The following LRBA variants were observed in gnomAD, a reference collection of about 807,000 sequenced individuals.
The protein encoded by LRBA is LPS responsive beige-like anchor protein, also known as lipopolysaccharide-responsive and beige-like anchor protein.
A neutral mutation model predicts 330.0 loss-of-function variants in LRBA; 176 were observed. The ratio of observed to expected loss-of-function variants is 0.53; its 90% confidence interval spans 0.47 to 0.60. LRBA has a LOEUF of 0.60. LRBA is among the 20% of genes least tolerant of loss of function. LRBA has a pLI of 0.00. For missense variants in LRBA, 3,259 were observed against 3,444.8 expected (o/e 0.95, Z 1.35); for synonymous variants, 1,230 against 1,193.0 (o/e 1.03, Z -0.64).
intron 40 of LRBA, among the ~76,000 whole-genome samples, chr4:150,538,514 T>C (rs1436849021): frequency 6.6e-6 from 1 of 152,146 alleles, no homozygotes; most frequent in Non-Finnish European, 1.5e-5. Flanking sequence ...GAAGCCATCA[T>C]CCTGAGTGAA....
chr4:150,980,926 A>G (rs1740759112), intron 2 of LRBA, among the ~76,000 whole-genome samples: 1 of 152,118 alleles, frequency 6.6e-6, no homozygotes, highest in African/African-American at 2.4e-5. Context: ...AAAGAATTAA[A>G]AGATCTCTAC....
intron 40 of LRBA, among the ~76,000 whole-genome samples, chr4:150,559,860 ATAT>A: frequency 4.6e-5 from 1 of 21,774 alleles, no homozygotes; most frequent in African/African-American, 1.3e-4. Flanking sequence ...ATATATAATT[ATAT>A]ATAATATATA....
intron 2 of LRBA, among the ~76,000 whole-genome samples, chr4:150,976,877 A>C (rs1740243976): frequency 6.6e-6 from 1 of 152,238 alleles, no homozygotes; most frequent in African/African-American, 2.4e-5. Flanking sequence ...AAAGCAGAAC[A>C]AGACTAAAAT....
intron 47 of LRBA, among the ~76,000 whole-genome samples, chr4:150,365,791 CAAAA>C (rs58972028): frequency 1.1e-5 from 1 of 91,682 alleles, no homozygotes; most frequent in Non-Finnish European, 2.2e-5. Flanking sequence ...AACTCTGTCT[CAAAA>C]AAAAAAAAAA....
intron 44 of LRBA, among the ~76,000 whole-genome samples, chr4:150,459,765 T>C (rs1276770591): frequency 6.6e-6 from 1 of 151,956 alleles, no homozygotes; most frequent in Non-Finnish European, 1.5e-5. Flanking sequence ...CAATGTGGCA[T>C]ACAACAGCAT....
chr4:150,361,530 T>C (rs909286043), intron 47 of LRBA, among the ~76,000 whole-genome samples: 3 of 152,180 alleles, frequency 2.0e-5, no homozygotes, highest in Non-Finnish European at 2.9e-5. Context: ...TTTCTCTTTC[T>C]TCTTCTCGCT....
At chr4:150,989,680 G>A (rs996935094) in intron 2 of LRBA, among the ~76,000 whole-genome samples, 1 of 151,946 alleles carries the variant, frequency 6.6e-6, no homozygotes, top group Non-Finnish European at 1.5e-5. Flanking sequence ...AATCAAGAGG[G>A]TAAACTTAAT....
At chr4:150,924,172 G>C (rs939431771) in intron 4 of LRBA, among the ~76,000 whole-genome samples, 2 of 152,166 alleles carry the variant, frequency 1.3e-5, no homozygotes, top group Admixed American at 6.5e-5. Context: ...TTACTTGACA[G>C]ACATTGCTGG....
intron 37 of LRBA, among the ~76,000 whole-genome samples, chr4:150,653,232 G>A (rs1779875279): frequency 6.6e-6 from 1 of 152,040 alleles, no homozygotes; most frequent in African/African-American, 2.4e-5. Flanking sequence ...AGTACATATA[G>A]AAAAATGAGA....
chr4:150,895,632 C>T (rs1579125299), intron 16 of LRBA, among the ~76,000 whole-genome samples: 1 of 152,286 alleles, frequency 6.6e-6, no homozygotes, highest in African/African-American at 2.4e-5. Flanking sequence ...TTTATGGCTG[C>T]ATAGTATTCC....
intron 2 of LRBA, among the ~76,000 whole-genome samples, chr4:151,003,392 G>A (rs1479412004): frequency 3.5e-5 from 2 of 57,496 alleles, no homozygotes; most frequent in Non-Finnish European, 7.6e-5. Flanking sequence ...ATGAGATTCG[G>A]TTTCAAAAAA....
intron 35 of LRBA, among the ~76,000 whole-genome samples, chr4:150,761,302 A>T (rs2126468877): frequency 6.6e-6 from 1 of 151,662 alleles, no homozygotes; most frequent in East Asian, 1.9e-4. Context: ...CTTTCCTTGA[A>T]TTCTTCTGTT....
At chr4:150,939,965 T>C (rs995682413) in intron 2 of LRBA, among the ~76,000 whole-genome samples, 3 of 151,638 alleles carry the variant, frequency 2.0e-5, no homozygotes, top group Non-Finnish European at 4.4e-5. Context: ...TACCCCTAAA[T>C]CCATAAAAAT....
intron 40 of LRBA, chr4:150,584,197 C>T: frequency 7.3e-7 from 1 of 1,379,178 alleles, no homozygotes. Context: ...ACTCTGGACA[C>T]AAACTTTTAT....
intron 46 of LRBA, among the ~76,000 whole-genome samples, chr4:150,421,873 C>T (rs1748846871): frequency 6.6e-6 from 1 of 152,038 alleles, no homozygotes; most frequent in South Asian, 2.1e-4. Context: ...ATCCCTGGAT[C>T]CTCCAGGGAA....
At chr4:150,557,757 T>G (rs1480513356) in intron 40 of LRBA, among the ~76,000 whole-genome samples, 1 of 152,174 alleles carries the variant, frequency 6.6e-6, no homozygotes, top group Non-Finnish European at 1.5e-5. Flanking sequence ...CATCACATCA[T>G]ATCATATCAT....
At chr4:151,003,835 C>T (rs1460173488) in intron 2 of LRBA, among the ~76,000 whole-genome samples, 1 of 151,008 alleles carries the variant, frequency 6.6e-6, no homozygotes, top group Non-Finnish European at 1.5e-5. Flanking sequence ...ACGAATGGAA[C>T]AGAATAGACA....
chr4:150,567,610 A>C (rs562351257), intron 40 of LRBA, among the ~76,000 whole-genome samples: 1 of 152,308 alleles, frequency 6.6e-6, no homozygotes, highest in East Asian at 1.9e-4. Flanking sequence ...GTCATTATAG[A>C]TTTGTTGAGA....
intron 43 of LRBA, among the ~76,000 whole-genome samples, chr4:150,468,900 T>C (rs948249869): frequency 1.7e-4 from 26 of 151,968 alleles, no homozygotes; most frequent in African/African-American, 6.0e-4. Context: ...CAGAGTTCAT[T>C]TTTGGCTGAC....
Sources: gnomAD v4.1 joint callset for allele counts (sites outside exome capture counted in the v4.1 genomes callset) on GRCh38, gnomAD v4.1.1 for gene constraint, MANE v1.5 for transcripts, NCBI Gene and HGNC (gene_info 2026-07-23, HGNC 2026-07-21) for gene names.